IQGAP1: variants seen among roughly 807,000 people sequenced by gnomAD.
IQGAP1 encodes the protein ras GTPase-activating-like protein IQGAP1.
In IQGAP1, 66 loss-of-function variants were observed where a neutral mutation model predicts 215.6. The ratio of observed to expected loss-of-function variants is 0.31; its 90% CI spans 0.25 to 0.38. IQGAP1 has a LOEUF of 0.38. IQGAP1 is among the 10% of genes least tolerant of loss of function. IQGAP1 has a pLI of 1.00. For synonymous variants in IQGAP1, 772 were observed against 728.7 expected (o/e 1.06, Z -0.96); for missense variants, 1,712 against 1,997.1 (o/e 0.86, Z 2.72).
At chr15:90,439,483 A>G in intron 6 of IQGAP1, 84 bp downstream of exon 6, 1 of 1,073,448 alleles carries the variant, frequency 9.3e-7, no homozygotes, top group Non-Finnish European at 1.4e-6. Context: ...TTGAAGACCT[A>G]GGGCTTTAAA....
chr15:90,485,969 C>A (rs1145326), intron 30 of IQGAP1, 61 bp from the exon 31 acceptor site: 1 of 1,262,294 alleles, frequency 7.9e-7, no homozygotes, highest in South Asian at 1.3e-5. Context: ...GTTAGACATT[C>A]TAGGGAGGGA....
At position 90,426,142 on chromosome 15, in the gene IQGAP1, C is replaced by T. The variant is rs370211066; in HGVS notation, c.188C>T (p.Pro63Leu). ...WMEACLGEDL[P>L]PTTELEEGLR... Reference sequence around the variant, plus strand: ...GAAGCATGCCTAGGGGAAGATCTGCCTCCCACCACAGAACTGGAGGAGGGG... The same window carrying T: ...GAAGCATGCCTAGGGGAAGATCTGCTTCCCACCACAGAACTGGAGGAGGGG... Residue 63 changes from proline (P) to leucine (L), a missense_variant, in exon 3 of 38, where the codon CCT becomes CTT. Pro to Leu is a moderately conservative substitution (Grantham distance 98, BLOSUM62 -3). This residue lies in a region of IQGAP1 where 1,021 missense variants were observed against 1,074.2 expected (regional missense o/e 0.95). Coordinates refer to ENST00000268182, the MANE Select transcript of IQGAP1 (RefSeq NM_003870.4). 5.0e-6 allele frequency: 8 copies of T among 1,605,378 alleles called. No individual in the cohort carries two copies. The African/African-American group carries it at 6.8e-5, about 14-fold the overall frequency.
chr15:90,497,272 G>A lies in IQGAP1; in HGVS notation c.4792G>A (p.Val1598Ile). The change falls in exon 37 of 38, where the codon GTT becomes ATT. Residue 1598 changes from valine (V) to isoleucine (I), a missense_variant. Transcript: ENST00000268182. ...VIFEISPTEE[V>I]GDFEVKAKFM... The stretch of plus-strand genomic sequence containing the variant: ...ATTTGAAATCAGTCCAACAGAAGAA[G>A]TTGGAGACTTCGAAGTGAAAGCCAA... The A allele has an allele frequency of 6.2e-7, 1 of 1,609,718 alleles. No individual in the cohort carries two copies. The highest frequency in any genetic ancestry group is 8.5e-7 in the Non-Finnish European group (1 of 1,176,054).
chr15:90,389,882 A>G (rs932567678), intron 1 of IQGAP1, among the ~76,000 whole-genome samples: 1 of 151,500 alleles, frequency 6.6e-6, no homozygotes, highest in Non-Finnish European at 1.5e-5. Flanking sequence ...TTGAGCCCAG[A>G]AAGTCGAGGC....
intron 9 of IQGAP1, among the ~76,000 whole-genome samples, chr15:90,447,926 C>T (rs1278359912): frequency 6.6e-6 from 1 of 151,974 alleles, no homozygotes; most frequent in African/African-American, 2.4e-5. Context: ...GAAGATGACC[C>T]CTTTCACTCT....
chr15:90,469,859 C>T (rs1965881925), intron 18 of IQGAP1, among the ~76,000 whole-genome samples: 1 of 152,124 alleles, frequency 6.6e-6, no homozygotes, highest in African/African-American at 2.4e-5. Flanking sequence ...ACTGAAAGGA[C>T]ATGGACCACT....
At chr15:90,439,668 CATA>C (rs1274984034) in intron 6 of IQGAP1, among the ~76,000 whole-genome samples, 1 of 151,562 alleles carries the variant, frequency 6.6e-6, no homozygotes, top group Non-Finnish European at 1.5e-5. Flanking sequence ...ATATATAAAA[CATA>C]ATAATGTTAA....
intron 5 of IQGAP1, among the ~76,000 whole-genome samples, chr15:90,439,096 G>A (rs184347854): frequency 1.8e-3 from 280 of 151,918 alleles, no homozygotes; most frequent in Middle Eastern, 3.4e-3. Context: ...ATTTCTCCCA[G>A]TCCAGTGCTC....
chr15:90,411,231 G>A lies in IQGAP1; in HGVS notation c.156-14879G>A, dbSNP rs73475001. On this transcript the variant is annotated intron_variant, in intron 2 of 37. Coordinates refer to ENST00000268182, the MANE Select transcript of IQGAP1 (RefSeq NM_003870.4). ...TAACTTTTCTCTTTCCTAATGCACTGTTAGCCTTAGAAGGCAAGTACTACG... is the reference window on the plus strand; with the variant it reads ...TAACTTTTCTCTTTCCTAATGCACTATTAGCCTTAGAAGGCAAGTACTACG... 4.9e-3 allele frequency among the ~76,000 whole-genome samples: 746 copies of A among 152,096 alleles called. 10 individuals are homozygous for A. The highest frequency in any genetic ancestry group is 0.017 in the African/African-American group (725 of 41,494).
At chr15:90,428,503 G>A (rs1965258245) in intron 3 of IQGAP1, among the ~76,000 whole-genome samples, 1 of 152,122 alleles carries the variant, frequency 6.6e-6, no homozygotes, top group African/African-American at 2.4e-5. Context: ...AAATGGCTGG[G>A]AGGAGTGGCT....
chr15:90,427,490 A>G (rs1965239834), intron 3 of IQGAP1, among the ~76,000 whole-genome samples: 1 of 152,178 alleles, frequency 6.6e-6, no homozygotes, highest in African/African-American at 2.4e-5. Flanking sequence ...CTGTAATCCC[A>G]GCACTTTGGG....
chr15:90,453,903 C>T (rs1363047809), intron 13 of IQGAP1, among the ~76,000 whole-genome samples: 1 of 152,224 alleles, frequency 6.6e-6, no homozygotes, highest in Non-Finnish European at 1.5e-5. Flanking sequence ...ACTTTTCCCA[C>T]CATCCCACCA....
chr15:90,473,218 GTACCT>G (rs1965930225), intron 19 of IQGAP1: 2 of 549,254 alleles, frequency 3.6e-6, no homozygotes, highest in African/African-American at 3.8e-5. Flanking sequence ...CAGTTCTTGG[GTACCT>G]CTTCCTCTCT....
chr15:90,421,693 T>G (rs887539686), intron 2 of IQGAP1, among the ~76,000 whole-genome samples: 1 of 152,032 alleles, frequency 6.6e-6, no homozygotes, highest in Non-Finnish European at 1.5e-5. Context: ...CAGCCAGGTT[T>G]GTTTGTTTGT....
chr15:90,448,232 A>G (rs1207431472), intron 9 of IQGAP1, among the ~76,000 whole-genome samples: 2 of 152,208 alleles, frequency 1.3e-5, no homozygotes, highest in Non-Finnish European at 2.9e-5. Flanking sequence ...AATCTGGACA[A>G]CTACTTGGCA....
In IQGAP1 at chr15:90,433,777, A is replaced by G. The variant is rs1274550504; in HGVS notation, c.449A>G (p.Tyr150Cys). ...CGAAAGAACATGCCAAGATGTATCT[A>G]CTGTATCCATGCACTCAGGTAGTCA... ...YDRKNMPRCI[Y>C]CIHALSLYLF... The change falls in exon 5 of 38, where the codon TAC becomes TGC. Residue 150 changes from tyrosine (Y) to cysteine (C), a missense_variant. Tyr to Cys is a radical substitution (Grantham distance 194, BLOSUM62 -2). Coordinates refer to ENST00000268182, the MANE Select transcript of IQGAP1 (RefSeq NM_003870.4). 1.2e-6 allele frequency: 2 copies of G among 1,605,236 alleles called. No homozygotes were observed. The highest frequency in any genetic ancestry group is 1.3e-5 in the African/African-American group (1 of 74,668).
chr15:90,498,119 C>G (rs1160035386), intron 37 of IQGAP1, among the ~76,000 whole-genome samples: 4 of 151,518 alleles, frequency 2.6e-5, no homozygotes, highest in African/African-American at 9.7e-5. Flanking sequence ...CTCCCCCAGC[C>G]AAGCCATAAT....
At chr15:90,416,485 C>A (rs1192191453) in intron 2 of IQGAP1, among the ~76,000 whole-genome samples, 1 of 152,090 alleles carries the variant, frequency 6.6e-6, no homozygotes, top group Non-Finnish European at 1.5e-5. Flanking sequence ...GCCACACTGT[C>A]TTCCCCAATG....
chr15:90,492,519 T>C (rs748464338), intron 34 of IQGAP1, 26 bp from the exon 35 acceptor site: 1 of 1,574,456 alleles, frequency 6.4e-7, no homozygotes, highest in East Asian at 2.3e-5. Context: ...GTCGTTATTT[T>C]TCTAACTTTA....
Sources: allele counts gnomAD v4.1 joint callset (sites outside exome capture counted in the v4.1 genomes callset), GRCh38; gene constraint gnomAD v4.1.1; regional missense constraint gnomAD v4.1.1; transcripts MANE v1.5; gene names NCBI Gene and HGNC (gene_info 2026-07-23, HGNC 2026-07-21).